Variants in ETV1 observed in about 807,000 individuals in gnomAD.
ETV1 encodes ETS translocation variant 1.
A neutral mutation model predicts 62.3 loss-of-function variants in ETV1; 27 were observed. That is an observed-to-expected ratio of 0.43 (90% CI 0.32 to 0.60). The LOEUF (loss-of-function observed/expected upper bound fraction) is 0.60, where lower values mean the gene tolerates loss of function less well. Ranked by LOEUF, ETV1 falls within the 20% of genes least tolerant of loss-of-function variation. ETV1 has a pLI of 0.06. For synonymous variants in ETV1, 222 were observed against 199.6 expected (o/e 1.11, Z -0.94); for missense variants, 605 against 605.8 (o/e 1.00, Z 0.01).
intron 9 of ETV1, among the ~76,000 whole-genome samples, chr7:13,913,291 C>T (rs1783740208): frequency 1.3e-5 from 2 of 152,086 alleles, no homozygotes; most frequent in South Asian, 4.2e-4. Context: ...ATTATGCATC[C>T]ACAGATTATA....
intron 5 of ETV1, among the ~76,000 whole-genome samples, chr7:13,981,066 T>C (rs1390254646): frequency 3.3e-5 from 5 of 152,028 alleles, no homozygotes; most frequent in Non-Finnish European, 5.9e-5. Flanking sequence ...AACCCTCCTA[T>C]TCTTACAAAC....
intron 7 of ETV1, among the ~76,000 whole-genome samples, chr7:13,936,172 T>C (rs1434674078): frequency 6.6e-6 from 1 of 152,138 alleles, no homozygotes; most frequent in East Asian, 1.9e-4. Flanking sequence ...ACAGGGAAAA[T>C]TACGTCCAAA....
intron 13 of ETV1, among the ~76,000 whole-genome samples, chr7:13,897,901 A>G (rs965529286): frequency 2.0e-5 from 3 of 152,166 alleles, no homozygotes; most frequent in African/African-American, 4.8e-5. Flanking sequence ...CTGTGGAGGA[A>G]GATACATTTG....
At chr7:13,939,306 A>C in intron 6 of ETV1, 60 bp from the exon 7 acceptor site, 1 of 1,445,430 alleles carries the variant, frequency 6.9e-7, no homozygotes, top group Non-Finnish European at 9.4e-7. Flanking sequence ...ATGGAGATTA[A>C]TGTGTTCTAC....
intron 6 of ETV1, among the ~76,000 whole-genome samples, chr7:13,946,191 GAA>G (rs1788141875): frequency 1.3e-5 from 2 of 152,108 alleles, no homozygotes; most frequent in African/African-American, 4.8e-5. Flanking sequence ...AATTTATCTA[GAA>G]AATCTGCAGT....
At chr7:13,936,141 T>C (rs1012354893) in intron 7 of ETV1, among the ~76,000 whole-genome samples, 3 of 152,230 alleles carry the variant, frequency 2.0e-5, no homozygotes, top group Admixed American at 6.5e-5. Flanking sequence ...GTATTTTTAA[T>C]GCATATACAA....
At chr7:13,916,154 A>G (rs141962646) in intron 9 of ETV1, among the ~76,000 whole-genome samples, 2 of 152,218 alleles carry the variant, frequency 1.3e-5, no homozygotes, top group Non-Finnish European at 2.9e-5. Flanking sequence ...TCACACTTAG[A>G]TGGGATCTTT....
At chr7:13,939,333 G>T in intron 6 of ETV1, 87 bp from the exon 7 acceptor site, 2 of 1,150,404 alleles carry the variant, frequency 1.7e-6, no homozygotes, top group Middle Eastern at 2.2e-4. Flanking sequence ...TGTTAAAAAG[G>T]TCATTCACAT....
chr7:13,941,544 T>G (rs1185649226), intron 6 of ETV1, among the ~76,000 whole-genome samples: 1 of 152,120 alleles, frequency 6.6e-6, no homozygotes, highest in Admixed American at 6.6e-5. Flanking sequence ...AAACATTTTT[T>G]AAATGTGAAA....
chr7:13,946,958 T>G, intron 6 of ETV1, among the ~76,000 whole-genome samples: 1 of 152,000 alleles, frequency 6.6e-6, no homozygotes, highest in East Asian at 1.9e-4. Flanking sequence ...TCAGCTAATT[T>G]TTTTGTATTT....
At chr7:13,972,321 A>G (rs573557747) in intron 6 of ETV1, among the ~76,000 whole-genome samples, 1 of 151,922 alleles carries the variant, frequency 6.6e-6, no homozygotes, top group South Asian at 2.1e-4. Context: ...AGTCCCAGCT[A>G]CTTGGGAGGC....
intron 6 of ETV1, among the ~76,000 whole-genome samples, chr7:13,949,059 T>A (rs1788492673): frequency 6.6e-6 from 1 of 152,074 alleles, no homozygotes; most frequent in Non-Finnish European, 1.5e-5. Flanking sequence ...ACATGGAGAA[T>A]TTTTTGCACC....
chr7:13,947,108 A>G (rs1788255432), intron 6 of ETV1, among the ~76,000 whole-genome samples: 1 of 152,196 alleles, frequency 6.6e-6, no homozygotes, highest in South Asian at 2.1e-4. Context: ...CTCATAGGAG[A>G]ATAACTTCCC....
rs1787183628 is a variant in ETV1 at position 13,939,208 on chromosome 7, G to T, written c.274C>A (p.Pro92Thr). The change falls in exon 7 of 14, where the codon CCC becomes ACC. Residue 92 changes from proline (P) to threonine (T), a missense_variant. By Grantham distance (38) the Pro-to-Thr change is conservative. Coordinates refer to ENST00000430479, the MANE Select transcript of ETV1 (RefSeq NM_004956.5). ...CTGATTTCTGAACATGGACTGTGGG[G>T]TTCTTTCTTGATTTTCAGTGGCAGG... ...HGLPLKIKKE[P>T]HSPCSEISSA... The T allele has an allele frequency of 6.2e-7, 1 of 1,609,244 alleles. No individual in the cohort carries two copies. The highest frequency in any genetic ancestry group is 8.5e-7 in the Non-Finnish European group (1 of 1,178,862).
intron 4 of ETV1, among the ~76,000 whole-genome samples, chr7:13,987,573 C>T (rs1326143501): frequency 6.6e-6 from 1 of 152,000 alleles, no homozygotes; most frequent in Non-Finnish European, 1.5e-5. Context: ...ACATTATGGT[C>T]GATAAACAAG....
intron 6 of ETV1, among the ~76,000 whole-genome samples, chr7:13,971,789 A>G (rs1262836137): frequency 6.6e-6 from 1 of 152,220 alleles, no homozygotes; most frequent in East Asian, 1.9e-4. Context: ...ACGAAGAACA[A>G]AATGAAAGGT....
intron 5 of ETV1, among the ~76,000 whole-genome samples, chr7:13,984,646 T>C (rs1782361802): frequency 6.6e-6 from 1 of 151,996 alleles, no homozygotes; most frequent in Admixed American, 6.6e-5. Context: ...CCATAGTTTG[T>C]AAATAGTAGT....
chr7:13,968,073 T>C (rs1029843781), intron 6 of ETV1, among the ~76,000 whole-genome samples: 13 of 152,236 alleles, frequency 8.5e-5, no homozygotes, highest in African/African-American at 3.1e-4. Flanking sequence ...CCATTCATTG[T>C]ATAACAAAAT....
intron 9 of ETV1, among the ~76,000 whole-genome samples, chr7:13,914,573 A>C (rs1783939217): frequency 6.6e-6 from 1 of 151,936 alleles, no homozygotes; most frequent in African/African-American, 2.4e-5. Context: ...ACGTTTAGTA[A>C]CATCAGTAAA....
Sources: allele counts gnomAD v4.1 joint callset (sites outside exome capture counted in the v4.1 genomes callset), GRCh38; gene constraint gnomAD v4.1.1; transcripts MANE v1.5; gene names NCBI Gene and HGNC (gene_info 2026-07-23, HGNC 2026-07-21).